The following RSPO2 variants were observed in gnomAD, a reference collection of about 807,000 sequenced individuals.
RSPO2 encodes the protein R-spondin 2, also known as R-spondin-2.
RSPO2 carries 14 observed loss-of-function variants against 30.9 expected under a neutral mutation model. That is an observed-to-expected ratio of 0.45 (90% confidence interval 0.30 to 0.71). The LOEUF is 0.71. Among genes scored for constraint, RSPO2 ranks in the 30% least tolerant of loss-of-function variants. RSPO2 has a pLI of 0.08. For missense variants in RSPO2, 264 were observed against 301.9 expected (o/e 0.87, Z 0.93); for synonymous variants, 107 against 96.4 (o/e 1.11, Z -0.64).
At chr8:108,020,866 C>G (rs901811571) in intron 2 of RSPO2, among the ~76,000 whole-genome samples, 8 of 152,108 alleles carry the variant, frequency 5.3e-5, no homozygotes, top group South Asian at 2.1e-4. Flanking sequence ...ATAAAATTAC[C>G]TAGCTATATG....
rs1266891015 is a variant in RSPO2, at chr8:107,899,551, A to C, written c.*1524T>G. On this transcript the variant is annotated 3_prime_UTR_variant, in exon 6 of 6. Transcript: ENST00000276659. ...CAATATTTTCATAACGATGTATATG[A>C]TATTTATCCTTATTGGTAAGATGCT... is the stretch of plus-strand genomic sequence containing the variant. 6.6e-6 allele frequency: 1 copy of C among 152,608 alleles called. No individual in the cohort carries two copies. The highest frequency in any genetic ancestry group is 1.5e-5 in the Non-Finnish European group (1 of 68,032). The allele number at this position is 152,608 out of a possible 1,614,324, so 9.5% of individuals were successfully genotyped here.
At chr8:108,000,201 C>CAT (rs1439875989) in intron 2 of RSPO2, among the ~76,000 whole-genome samples, 2 of 152,124 alleles carry the variant, frequency 1.3e-5, no homozygotes, top group Non-Finnish European at 2.9e-5. Flanking sequence ...AACACATTCT[C>CAT]ATTCTAACAA....
rs187812065 is a variant in RSPO2, at chr8:108,008,216, C to T, written c.95-18972G>A. ...TTGTTTTATCTGCACCAATTTTTTC[C>T]CTCTAGAAAAATTTTAATGTGAAAA... On this transcript the variant is annotated intron_variant, in intron 2 of 5. Coordinates refer to ENST00000276659, the MANE Select transcript of RSPO2 (RefSeq NM_178565.5). 3.7e-3 allele frequency among the ~76,000 whole-genome samples: 559 copies of T among 152,148 alleles called. 3 individuals are homozygous for T. Among genetic ancestry groups the T allele is most frequent in the African/African-American group, 0.013 (535 of 41,524 alleles).
At chr8:107,962,748 G>A (rs1813671649) in intron 3 of RSPO2, among the ~76,000 whole-genome samples, 3 of 151,122 alleles carry the variant, frequency 2.0e-5, no homozygotes, top group Non-Finnish European at 2.9e-5. Flanking sequence ...AAATAGTAAT[G>A]AGCATTCCAA....
chr8:108,055,053 C>G (rs1436128087), intron 2 of RSPO2, among the ~76,000 whole-genome samples: 1 of 151,958 alleles, frequency 6.6e-6, no homozygotes, highest in Non-Finnish European at 1.5e-5. Context: ...CCCAGGAGGT[C>G]GAGGCTACAG....
intron 2 of RSPO2, among the ~76,000 whole-genome samples, chr8:108,062,220 C>A (rs1812492690): frequency 6.6e-6 from 1 of 151,674 alleles, no homozygotes. Context: ...ACATAAAAAA[C>A]CCTTCAAAAA....
chr8:107,959,241 A>T (rs1384152261), intron 4 of RSPO2, among the ~76,000 whole-genome samples: 1 of 152,150 alleles, frequency 6.6e-6, no homozygotes, highest in Non-Finnish European at 1.5e-5. Context: ...TATTCCCCAC[A>T]TTGGCGTTGT....
At chr8:108,069,056 C>T (rs368722834) in intron 2 of RSPO2, among the ~76,000 whole-genome samples, 7 of 152,204 alleles carry the variant, frequency 4.6e-5, no homozygotes, top group African/African-American at 1.7e-4. Context: ...CTGGTTTATT[C>T]TTGAATCTAG....
At chr8:107,918,329 G>C (rs1812041705) in intron 5 of RSPO2, among the ~76,000 whole-genome samples, 1 of 152,108 alleles carries the variant, frequency 6.6e-6, no homozygotes, top group Non-Finnish European at 1.5e-5. Flanking sequence ...CGGTGTAGTT[G>C]TTTGCATAAG....
chr8:107,941,723 C>A (rs762212391), intron 5 of RSPO2, among the ~76,000 whole-genome samples: 1 of 152,180 alleles, frequency 6.6e-6, no homozygotes, highest in Non-Finnish European at 1.5e-5. Flanking sequence ...TCACAGTGAG[C>A]AGACTTGGTA....
At chr8:107,985,422 C>CTAAA (rs148188711) in intron 3 of RSPO2, among the ~76,000 whole-genome samples, 4,120 of 152,158 alleles carry the variant, frequency 0.027, 140 homozygotes, top group African/African-American at 0.081. Flanking sequence ...AGGCAATTAA[C>CTAAA]TATAGTATAA....
chr8:107,906,363 T>G (rs1463351990), intron 5 of RSPO2, among the ~76,000 whole-genome samples: 1 of 151,040 alleles, frequency 6.6e-6, no homozygotes, highest in African/African-American at 2.4e-5. Context: ...TTTTATATTT[T>G]ATATTTTTAT....
Position 108,036,561 on chromosome 8 carries a change from C to T in RSPO2, c.94+45984G>A, listed in dbSNP as rs185928162. Among the ~76,000 whole-genome samples the T allele has an allele frequency of 9.7e-4, 147 of 152,304 alleles. No individual in the cohort carries two copies. In the Middle Eastern group the frequency reaches 0.014, roughly 14 times the overall value. On this transcript the variant is annotated intron_variant, in intron 2 of 5. Coordinates refer to ENST00000276659, the MANE Select transcript of RSPO2 (RefSeq NM_178565.5). Reference sequence around the variant, plus strand: ...TTTCAATGTTAGGCTGTAGCTATACCTTTACCCATTTGTCCCACAAGTTTG... The same window carrying T: ...TTTCAATGTTAGGCTGTAGCTATACTTTTACCCATTTGTCCCACAAGTTTG...
intron 2 of RSPO2, among the ~76,000 whole-genome samples, chr8:108,037,699 A>C (rs1193889798): frequency 2.0e-5 from 3 of 152,228 alleles, no homozygotes; most frequent in Non-Finnish European, 4.4e-5. Context: ...TAATGCAGCC[A>C]GTGATTTGAA....
intron 2 of RSPO2, among the ~76,000 whole-genome samples, chr8:108,057,481 A>C (rs1364606679): frequency 3.3e-5 from 5 of 152,164 alleles, no homozygotes; most frequent in Non-Finnish European, 7.4e-5. Context: ...AAAAAAAATC[A>C]ACTATTTATA....
chr8:108,013,558 C>A (rs984044227), intron 2 of RSPO2, among the ~76,000 whole-genome samples: 1 of 152,202 alleles, frequency 6.6e-6, no homozygotes, highest in Non-Finnish European at 1.5e-5. Flanking sequence ...ACATCTACAA[C>A]AATCTGATCT....
intron 2 of RSPO2, among the ~76,000 whole-genome samples, chr8:108,070,278 CTTTTTTTTT>C (rs1050611219): frequency 1.2e-5 from 1 of 81,190 alleles, no homozygotes; most frequent in African/African-American, 4.8e-5. Context: ...GACCCCATCT[CTTTTTTTTT>C]TTTTTTTTTT....
At chr8:108,065,288 T>TG (rs1259057924) in intron 2 of RSPO2, among the ~76,000 whole-genome samples, 1 of 113,914 alleles carries the variant, frequency 8.8e-6, no homozygotes, top group Non-Finnish European at 1.7e-5. Context: ...TCTCAGAAAT[T>TG]GAAAAAAAAA....
chr8:108,003,700 A>G (rs1317954079), intron 2 of RSPO2, among the ~76,000 whole-genome samples: 1 of 152,148 alleles, frequency 6.6e-6, no homozygotes, highest in Non-Finnish European at 1.5e-5. Flanking sequence ...CCCGGGGAAC[A>G]TGCTACAGGA....
Sources: gnomAD v4.1 joint callset for allele counts (sites outside exome capture counted in the v4.1 genomes callset) on GRCh38, gnomAD v4.1.1 for gene constraint, MANE v1.5 for transcripts, NCBI Gene and HGNC (gene_info 2026-07-23, HGNC 2026-07-21) for gene names.